INPP4B: variants seen among roughly 807,000 people sequenced by gnomAD.
INPP4B encodes inositol polyphosphate 4-phosphatase type II.
Under a neutral mutation model 122.5 loss-of-function variants are expected in INPP4B, and 55 were observed. The observed-to-expected ratio is 0.45, with a 90% CI of 0.36 to 0.56. INPP4B has a LOEUF of 0.56. INPP4B is among the 20% of genes least tolerant of loss of function. The pLI, the probability that INPP4B is intolerant of heterozygous loss-of-function variation, is 0.00. For missense variants in INPP4B, 1,000 were observed against 1,097.7 expected (o/e 0.91, Z 1.26); for synonymous variants, 403 against 388.7 (o/e 1.04, Z -0.43).
At chr4:142,463,545 A>T (rs1817147732) in intron 2 of INPP4B, among the ~76,000 whole-genome samples, 1 of 152,192 alleles carries the variant, frequency 6.6e-6, no homozygotes, top group Admixed American at 6.5e-5. Flanking sequence ...ATAATAAAGC[A>T]TGACTATGAT....
At chr4:142,201,695 AT>A (rs1323125169) in intron 14 of INPP4B, among the ~76,000 whole-genome samples, 1 of 152,110 alleles carries the variant, frequency 6.6e-6, no homozygotes, top group African/African-American at 2.4e-5. Context: ...AGAGAAAAAA[AT>A]GTACAAGAAA....
intron 2 of INPP4B, among the ~76,000 whole-genome samples, chr4:142,479,637 AG>A (rs1021156137): frequency 3.6e-4 from 55 of 152,326 alleles, no homozygotes; most frequent in African/African-American, 1.2e-3. Flanking sequence ...GCTATAAAAA[AG>A]AATGAGATCA....
rs146355906 is a variant in INPP4B, at chr4:142,450,385, G to A, written c.-127+12278C>T. Among the ~76,000 whole-genome samples the A allele has an allele frequency of 3.3e-3, 505 of 152,312 alleles. 5 individuals are homozygous for A. Among genetic ancestry groups the A allele is most frequent in the African/African-American group, 0.012 (478 of 41,552 alleles). Reference sequence around the variant, plus strand: ...AAAAGCAATGTGGGTTTTAGGACACGCTGCAGTTCAAACTAGTGTGTCACA... The same window carrying A: ...AAAAGCAATGTGGGTTTTAGGACACACTGCAGTTCAAACTAGTGTGTCACA... On this transcript the variant is annotated intron_variant, in intron 3 of 25. Coordinates refer to ENST00000262992, the MANE Select transcript of INPP4B (RefSeq NM_001101669.3).
chr4:142,570,734 G>A (rs769218231), intron 2 of INPP4B, among the ~76,000 whole-genome samples: 4 of 151,388 alleles, frequency 2.6e-5, no homozygotes, highest in Non-Finnish European at 5.9e-5. Context: ...AGATGAACTC[G>A]GAATCATAGA....
intron 12 of INPP4B, among the ~76,000 whole-genome samples, chr4:142,231,074 C>T (rs1854131493): frequency 6.6e-6 from 1 of 152,160 alleles, no homozygotes. Flanking sequence ...TAAAGTGTAT[C>T]ACAACCCTGA....
chr4:142,041,098 G>A (rs1407495787), intron 25 of INPP4B, among the ~76,000 whole-genome samples: 1 of 152,048 alleles, frequency 6.6e-6, no homozygotes, highest in Non-Finnish European at 1.5e-5. Flanking sequence ...TATAGCCTAA[G>A]TTCTGAAAGT....
intron 25 of INPP4B, among the ~76,000 whole-genome samples, chr4:142,054,315 G>A (rs1756363265): frequency 6.6e-6 from 1 of 150,754 alleles, no homozygotes; most frequent in African/African-American, 2.4e-5. Context: ...CACCACTACT[G>A]TATCTGAACA....
intron 25 of INPP4B, among the ~76,000 whole-genome samples, chr4:142,043,794 T>C (rs1438236037): frequency 1.3e-5 from 2 of 152,158 alleles, no homozygotes; most frequent in Non-Finnish European, 2.9e-5. Context: ...ATTCTCTAGA[T>C]GTAGGGTGGG....
chr4:142,405,365 C>T, intron 5 of INPP4B, 41 bp from the exon 6 acceptor site: 1 of 1,222,040 alleles, frequency 8.2e-7, no homozygotes, highest in Non-Finnish European at 1.2e-6. Context: ...GAAACTAACA[C>T]CATATCTCAG....
chr4:142,255,605 G>T (rs1229228250), intron 11 of INPP4B, among the ~76,000 whole-genome samples: 1 of 152,142 alleles, frequency 6.6e-6, no homozygotes, highest in Admixed American at 6.6e-5. Flanking sequence ...AAGCGACAAA[G>T]AAGGCCATTA....
chr4:142,278,165 A>G (rs1462205796), intron 9 of INPP4B, among the ~76,000 whole-genome samples: 1 of 152,002 alleles, frequency 6.6e-6, no homozygotes, highest in Non-Finnish European at 1.5e-5. Context: ...GAATGCAGCT[A>G]TAAAACCTAA....
chr4:142,525,826 T>C (rs1826835478), intron 2 of INPP4B, among the ~76,000 whole-genome samples: 1 of 149,214 alleles, frequency 6.7e-6, no homozygotes, highest in African/African-American at 2.5e-5. Flanking sequence ...GACATAGGCA[T>C]GGGCAAGGAC....
chr4:142,239,910 T>C (rs865918619), intron 11 of INPP4B, among the ~76,000 whole-genome samples: 2 of 152,224 alleles, frequency 1.3e-5, no homozygotes, highest in African/African-American at 4.8e-5. Context: ...AGAACTTTTG[T>C]ATCTCCTAAA....
intron 1 of INPP4B, among the ~76,000 whole-genome samples, chr4:142,842,816 GAT>G (rs1216964650): frequency 1.6e-5 from 2 of 128,444 alleles, no homozygotes; most frequent in South Asian, 2.3e-4. Flanking sequence ...AAATATGTAT[GAT>G]ATATATAAAT....
chr4:142,431,742 G>A (rs72724580), intron 3 of INPP4B, among the ~76,000 whole-genome samples: 32,595 of 152,016 alleles, frequency 0.21, 4,423 homozygotes, highest in Middle Eastern at 0.32. Flanking sequence ...CCATGTTTTG[G>A]CAAGGTGAAT....
At chr4:142,810,485 C>G (rs1779375167) in intron 1 of INPP4B, among the ~76,000 whole-genome samples, 1 of 152,104 alleles carries the variant, frequency 6.6e-6, no homozygotes, top group South Asian at 2.1e-4. Flanking sequence ...TTCATTGATT[C>G]AGAATATAAA....
rs138325014 is a variant in INPP4B, at chr4:142,431,272, C to G, written c.-13G>C. On this transcript the variant is annotated 5_prime_UTR_variant, in exon 4 of 26. Transcript: ENST00000262992. ...CTTTAATTTCCATGATCAACCTTCA[C>G]AGTTTTAAAATTTTCCAAATTTTCT... The G allele has an allele frequency of 6.2e-7, 1 of 1,609,418 alleles. No homozygotes were observed. Among genetic ancestry groups the G allele is most frequent in the Non-Finnish European group, 8.5e-7 (1 of 1,176,282 alleles).
chr4:142,176,154 A>AT (rs1561383360), intron 15 of INPP4B, among the ~76,000 whole-genome samples: 2 of 145,226 alleles, frequency 1.4e-5, no homozygotes, highest in South Asian at 2.2e-4. Context: ...TATTATTATT[A>AT]TACTTTAAGT....
intron 16 of INPP4B, among the ~76,000 whole-genome samples, chr4:142,161,896 A>G (rs1169097827): frequency 6.6e-6 from 1 of 151,908 alleles, no homozygotes; most frequent in Non-Finnish European, 1.5e-5. Flanking sequence ...TTGGCAGCAC[A>G]AATGGAACAG....
Sources: gnomAD v4.1 joint callset for allele counts (sites outside exome capture counted in the v4.1 genomes callset) on GRCh38, gnomAD v4.1.1 for gene constraint, MANE v1.5 for transcripts, NCBI Gene and HGNC (gene_info 2026-07-23, HGNC 2026-07-21) for gene names.